DPYD: variants seen among roughly 807,000 people sequenced by gnomAD.
The protein encoded by DPYD is dihydropyrimidine dehydrogenase.
Under a neutral mutation model 116.2 loss-of-function variants are expected in DPYD, and 109 were observed. That is an observed-to-expected ratio of 0.94 (90% CI 0.80 to 1.10). The LOEUF (loss-of-function observed/expected upper bound fraction) is 1.10. Ranked by LOEUF, DPYD falls within the 50% of genes least tolerant of loss-of-function variation. DPYD has a pLI of 0.00. For synonymous variants in DPYD, 440 were observed against 432.0 expected (o/e 1.02, Z -0.23); for missense variants, 1,302 against 1,254.5 (o/e 1.04, Z -0.57).
intron 20 of DPYD, among the ~76,000 whole-genome samples, chr1:97,124,597 T>C (rs1652693328): frequency 6.6e-6 from 1 of 152,138 alleles, no homozygotes; most frequent in African/African-American, 2.4e-5. Context: ...GAATATAGAC[T>C]CCATTGTCCA....
chr1:97,886,261 T>C (rs1038712979), intron 1 of DPYD, among the ~76,000 whole-genome samples: 17 of 152,074 alleles, frequency 1.1e-4, no homozygotes, highest in African/African-American at 2.9e-4. Flanking sequence ...TTGAGGGCTA[T>C]GGTATCTCCC....
intron 3 of DPYD, among the ~76,000 whole-genome samples, chr1:97,779,194 C>A (rs1666588371): frequency 2.0e-5 from 3 of 152,018 alleles, no homozygotes; most frequent in African/African-American, 7.2e-5. Flanking sequence ...AGGCATATAA[C>A]TGATTACATG....
At chr1:97,741,128 A>G (rs1664248499) in intron 3 of DPYD, among the ~76,000 whole-genome samples, 1 of 152,154 alleles carries the variant, frequency 6.6e-6, no homozygotes. Flanking sequence ...CAACAAGGTC[A>G]GCCTCCTTTC....
intron 5 of DPYD, among the ~76,000 whole-genome samples, chr1:97,709,400 ATTTT>A (rs969251385): frequency 4.0e-5 from 6 of 151,744 alleles, no homozygotes; most frequent in Non-Finnish European, 5.9e-5. Context: ...CATGGTATAT[ATTTT>A]TTTAATTTTA....
At chr1:97,774,207 C>T (rs1464346994) in intron 3 of DPYD, among the ~76,000 whole-genome samples, 1 of 152,174 alleles carries the variant, frequency 6.6e-6, no homozygotes, top group Non-Finnish European at 1.5e-5. Context: ...ACCTGGGGCT[C>T]ATCCAGGATC....
chr1:97,296,435 GAAT>G (rs1666534619), intron 18 of DPYD, among the ~76,000 whole-genome samples: 3 of 151,954 alleles, frequency 2.0e-5, no homozygotes, highest in Admixed American at 2.0e-4. Flanking sequence ...CTAAAAAAAA[GAAT>G]AAAACTGATG....
intron 7 of DPYD, among the ~76,000 whole-genome samples, chr1:97,687,840 C>T (rs1660815064): frequency 6.6e-6 from 1 of 152,134 alleles, no homozygotes; most frequent in Admixed American, 6.6e-5. Context: ...ATGGACAGAG[C>T]TGGAAGCCAT....
intron 2 of DPYD, among the ~76,000 whole-genome samples, chr1:97,867,980 A>G (rs1671470804): frequency 6.6e-6 from 1 of 151,762 alleles, no homozygotes; most frequent in Non-Finnish European, 1.5e-5. Context: ...CCCGAAAGCC[A>G]ACACCAAAAA....
At chr1:97,441,785 G>C (rs953227657) in intron 14 of DPYD, among the ~76,000 whole-genome samples, 9 of 151,996 alleles carry the variant, frequency 5.9e-5, no homozygotes, top group Non-Finnish European at 1.2e-4. Context: ...AGGTATTTTT[G>C]TATTCCTATA....
chr1:97,440,574 C>CTACCT (rs767900816), intron 14 of DPYD, among the ~76,000 whole-genome samples: 21 of 152,068 alleles, frequency 1.4e-4, no homozygotes, highest in Non-Finnish European at 2.1e-4. Flanking sequence ...TTATAAAAGC[C>CTACCT]TACCTCCAAG....
intron 18 of DPYD, among the ~76,000 whole-genome samples, chr1:97,273,038 G>A (rs114823229): frequency 2.1e-4 from 32 of 152,148 alleles, no homozygotes; most frequent in African/African-American, 7.5e-4. Context: ...AGAAATAAGG[G>A]CATTTTACGG....
chr1:97,150,619 T>G (rs1654943849), intron 20 of DPYD, among the ~76,000 whole-genome samples: 2 of 152,200 alleles, frequency 1.3e-5, no homozygotes. Flanking sequence ...ACTGTATATA[T>G]GAATATTTAT....
At chr1:97,499,641 G>A (rs1679464045) in intron 13 of DPYD, among the ~76,000 whole-genome samples, 2 of 151,708 alleles carry the variant, frequency 1.3e-5, no homozygotes, top group African/African-American at 4.8e-5. Context: ...TACAAAAGAG[G>A]TGACCCTCAA....
chr1:97,430,375 G>A (rs908149505), intron 14 of DPYD, among the ~76,000 whole-genome samples: 3 of 152,112 alleles, frequency 2.0e-5, no homozygotes, highest in South Asian at 2.1e-4. Flanking sequence ...CAAGGCCTAC[G>A]GGACATGGAT....
rs749369964 is a variant in DPYD at position 97,920,893 on chromosome 1, C to T, written c.30G>A (p.Ala10=). The T allele has an allele frequency of 6.3e-7, 1 of 1,593,876 alleles. No homozygotes were observed. Among genetic ancestry groups the T allele is most frequent in the Non-Finnish European group, 8.5e-7 (1 of 1,170,638 alleles). ...GGCGCGAAGTCCGTACCTCGATGTC[C>T]GCCGAGTCCTTACTGAGCACAGGGG... The part of the protein sequence containing the change: MAPVLSKDS[A]DIESILALNP... The change falls in exon 1 of 23, where the codon GCG becomes GCA. Residue 10 remains alanine, a synonymous_variant. Coordinates refer to ENST00000370192, the MANE Select transcript of DPYD (RefSeq NM_000110.4).
rs1655204833 is a variant in DPYD, at chr1:97,600,893, T to C, written c.851-5727A>G. Among the ~76,000 whole-genome samples the C allele has an allele frequency of 2.0e-5, 3 of 152,176 alleles. 1 individual carries two copies. The South Asian group carries it at 6.2e-4, about 32-fold the overall frequency. On this transcript the variant is annotated intron_variant, in intron 8 of 22. Transcript: ENST00000370192. ...CACAGTCCACGAAACTTAGCATCTT[T>C]GGCTAAAATGAAAGGATGTAGCCAC...
intron 14 of DPYD, among the ~76,000 whole-genome samples, chr1:97,419,414 A>G (rs1674457012): frequency 6.6e-6 from 1 of 151,876 alleles, no homozygotes; most frequent in Non-Finnish European, 1.5e-5. Flanking sequence ...GGTCCTCTAG[A>G]CCTGGTACGT....
At chr1:97,265,835 T>G (rs1466805440) in intron 18 of DPYD, among the ~76,000 whole-genome samples, 3 of 152,146 alleles carry the variant, frequency 2.0e-5, no homozygotes, top group Admixed American at 6.5e-5. Flanking sequence ...TTAGAAAATT[T>G]TGATACTCTC....
chr1:97,151,855 C>T (rs956046284), intron 20 of DPYD, among the ~76,000 whole-genome samples: 1 of 152,056 alleles, frequency 6.6e-6, no homozygotes, highest in Non-Finnish European at 1.5e-5. Context: ...TAAAAACATA[C>T]TAATGGTCAT....
Sources: gnomAD v4.1 joint callset for allele counts (sites outside exome capture counted in the v4.1 genomes callset) on GRCh38, gnomAD v4.1.1 for gene constraint, MANE v1.5 for transcripts, NCBI Gene and HGNC (gene_info 2026-07-23, HGNC 2026-07-21) for gene names.